RNF169: variants seen among roughly 807,000 people sequenced by gnomAD.
The protein encoded by RNF169 is E3 ubiquitin-protein ligase RNF169.
Under a neutral mutation model 53.9 loss-of-function variants are expected in RNF169, and 24 were observed. The observed-to-expected ratio is 0.45, with a 90% CI of 0.32 to 0.63. RNF169 has a LOEUF of 0.63. Among genes scored for constraint, RNF169 ranks in the 20% least tolerant of loss-of-function variants. The probability of loss-of-function intolerance (pLI) is 0.04; values close to 1 mark genes in which losing one functional copy is unlikely to be tolerated. For missense variants in RNF169, 883 were observed against 906.2 expected (o/e 0.97, Z 0.33); for synonymous variants, 396 against 363.5 (o/e 1.09, Z -1.02).
intron 1 of RNF169, among the ~76,000 whole-genome samples, chr11:74,775,381 A>G (rs186068287): frequency 7.2e-5 from 11 of 152,272 alleles, no homozygotes; most frequent in Non-Finnish European, 1.3e-4. Context: ...AAAGAGGAAT[A>G]TTTTTGGACA....
At chr11:74,828,457 T>C (rs935568408) in intron 4 of RNF169, among the ~76,000 whole-genome samples, 5 of 152,224 alleles carry the variant, frequency 3.3e-5, no homozygotes, top group African/African-American at 1.2e-4. Flanking sequence ...ATTGACATTC[T>C]TCACAGAATT....
intron 1 of RNF169, among the ~76,000 whole-genome samples, chr11:74,765,500 G>T (rs537093621): frequency 6.6e-6 from 1 of 152,126 alleles, no homozygotes; most frequent in East Asian, 1.9e-4. Flanking sequence ...TTTAAATAAC[G>T]TGGGTAAAGA....
intron 4 of RNF169, among the ~76,000 whole-genome samples, chr11:74,830,352 T>C (rs1343659183): frequency 6.6e-6 from 1 of 152,068 alleles, no homozygotes; most frequent in Admixed American, 6.5e-5. Flanking sequence ...ATTACTGTTA[T>C]TACAGAATTA....
chr11:74,788,119 TG>T (rs1287428806), intron 1 of RNF169, among the ~76,000 whole-genome samples: 1 of 152,154 alleles, frequency 6.6e-6, no homozygotes, highest in Non-Finnish European at 1.5e-5. Context: ...ATTACCACCT[TG>T]GTAGGTAGAA....
At position 74,749,190 on chromosome 11, in the gene RNF169, C is replaced by T. The variant is rs935449165; in HGVS notation, c.310C>T (p.Pro104Ser). ...RAADAAGPGC[P>S]RCRARGPGWA... ...CGCCGACGCGGCGGGCCCGGGTTGC[C>T]CTCGCTGCCGCGCCCGCGGCCCAGG... Residue 104 changes from proline to serine, a missense_variant, in exon 1 of 6, where the codon CCT (proline) becomes TCT (serine). Pro to Ser is a moderately conservative substitution (Grantham distance 74). Coordinates refer to ENST00000299563, the MANE Select transcript of RNF169 (RefSeq NM_001098638.2). 2 of 1,169,894 alleles carry T rather than the reference C, an allele frequency of 1.7e-6. No homozygotes were observed. The highest frequency in any genetic ancestry group is 1.1e-6 in the Non-Finnish European group (1 of 950,388). The allele number at this position is 1,169,894 out of a possible 1,614,324, so 72.5% of individuals were successfully genotyped here.
intron 4 of RNF169, among the ~76,000 whole-genome samples, chr11:74,829,002 TTAAAC>T (rs1210329039): frequency 1.3e-5 from 2 of 152,196 alleles, no homozygotes; most frequent in Non-Finnish European, 1.5e-5. Flanking sequence ...TTGGATCTAA[TTAAAC>T]TAAAGAGCTT....
At chr11:74,825,001 G>A (rs909077057) in intron 4 of RNF169, among the ~76,000 whole-genome samples, 2 of 152,210 alleles carry the variant, frequency 1.3e-5, no homozygotes, top group Non-Finnish European at 2.9e-5. Context: ...TAGGTTGATA[G>A]TGAAAGGATG....
At chr11:74,785,183 TATGATATATATATGATATATATATATGA>T (rs2035473517) in intron 1 of RNF169, among the ~76,000 whole-genome samples, 5 of 65,346 alleles carry the variant, frequency 7.7e-5, no homozygotes, top group African/African-American at 4.8e-4. Context: ...GATATATATA[TATGATATATATATGATATATATATATGA>T]TATATATATG....
intron 2 of RNF169, among the ~76,000 whole-genome samples, chr11:74,794,655 T>G (rs1348165993): frequency 2.0e-5 from 3 of 152,124 alleles, no homozygotes; most frequent in African/African-American, 7.2e-5. Flanking sequence ...TGAGAGAGTA[T>G]GCCAATATTG....
chr11:74,799,048 C>T (rs529557419), intron 2 of RNF169, among the ~76,000 whole-genome samples: 91 of 142,346 alleles, frequency 6.4e-4, no homozygotes, highest in African/African-American at 1.8e-3. Context: ...AGCAAGACCC[C>T]GTCTCAAAAA....
intron 1 of RNF169, among the ~76,000 whole-genome samples, chr11:74,763,031 A>C (rs753204244): frequency 4.6e-5 from 7 of 152,144 alleles, no homozygotes; most frequent in Non-Finnish European, 8.8e-5. Flanking sequence ...AGAAAAAGAA[A>C]ATCTTCCCTA....
At chr11:74,759,977 A>G (rs1383125618) in intron 1 of RNF169, among the ~76,000 whole-genome samples, 1 of 151,096 alleles carries the variant, frequency 6.6e-6, no homozygotes, top group Admixed American at 6.6e-5. Flanking sequence ...GATTATTGCC[A>G]CAATTTCAGC....
intron 1 of RNF169, among the ~76,000 whole-genome samples, chr11:74,789,155 C>A (rs1222379739): frequency 1.3e-5 from 2 of 152,160 alleles, no homozygotes; most frequent in African/African-American, 4.8e-5. Flanking sequence ...GTTTATGTTA[C>A]TGTTTTCTAT....
chr11:74,776,281 A>G (rs891189155), intron 1 of RNF169, among the ~76,000 whole-genome samples: 6 of 152,144 alleles, frequency 3.9e-5, no homozygotes, highest in African/African-American at 1.4e-4. Context: ...CTGTTTTGCC[A>G]TTTCTCTTGT....
chr11:74,810,049 G>T, intron 2 of RNF169, 135 bp from the exon 3 acceptor site: 1 of 700,974 alleles, frequency 1.4e-6, no homozygotes, highest in South Asian at 2.0e-5. Flanking sequence ...AAATCAAGAG[G>T]GCTCTATAGC....
Position 74,778,177 on chromosome 11 carries a change from G to A in RNF169, c.503-11449G>A, listed in dbSNP as rs544325461. Among the ~76,000 whole-genome samples, 9 of 152,252 alleles carry A rather than the reference G, an allele frequency of 5.9e-5. No homozygotes were observed. The South Asian group carries it at 1.9e-3, about 32-fold the overall frequency. On this transcript the variant is annotated intron_variant, in intron 1 of 5. Transcript: ENST00000299563. Reference sequence around the variant, plus strand: ...TATTTTTAAAGCTTTTTATGATTTAGTCTTAGCTAATAAACTGCATTATAA... The same window carrying A: ...TATTTTTAAAGCTTTTTATGATTTAATCTTAGCTAATAAACTGCATTATAA...
At position 74,835,675 on chromosome 11, in the gene RNF169, G is replaced by A. The variant is rs778732657; in HGVS notation, c.1072G>A (p.Ala358Thr). The A allele has an allele frequency of 1.9e-6, 3 of 1,613,950 alleles. No homozygotes were observed. The highest frequency in any genetic ancestry group is 8.5e-7 in the Non-Finnish European group (1 of 1,180,036). Residue 358 changes from alanine (A) to threonine (T), a missense_variant, in exon 6 of 6, where the codon GCT (alanine) becomes ACT (threonine). Ala to Thr is a moderately conservative substitution (Grantham distance 58, BLOSUM62 0). Coordinates refer to ENST00000299563, the MANE Select transcript of RNF169 (RefSeq NM_001098638.2). ...RLPFSSLSSL[A>T]SLHKPERSVS... Reference sequence around the variant, plus strand: ...ACCCTTCAGCTCCCTTTCATCCTTGGCTTCCCTGCATAAGCCAGAGCGTTC... The same window carrying A: ...ACCCTTCAGCTCCCTTTCATCCTTGACTTCCCTGCATAAGCCAGAGCGTTC...
At chr11:74,783,302 G>A (rs1316215270) in intron 1 of RNF169, among the ~76,000 whole-genome samples, 1 of 151,654 alleles carries the variant, frequency 6.6e-6, no homozygotes, top group African/African-American at 2.4e-5. Flanking sequence ...TCCTTTTTCA[G>A]GAAGGATCTT....
At chr11:74,818,001 C>G (rs2035960536) in intron 4 of RNF169, among the ~76,000 whole-genome samples, 1 of 152,228 alleles carries the variant, frequency 6.6e-6, no homozygotes, top group African/African-American at 2.4e-5. Flanking sequence ...AAGTCTTCTT[C>G]AGTCTGACAA....
Sources: gnomAD v4.1 joint callset for allele counts (sites outside exome capture counted in the v4.1 genomes callset) on GRCh38, gnomAD v4.1.1 for gene constraint, MANE v1.5 for transcripts, NCBI Gene and HGNC (gene_info 2026-07-23, HGNC 2026-07-21) for gene names.